The following TMC7 variants were observed in gnomAD, a reference collection of about 807,000 sequenced individuals.
TMC7 encodes transmembrane channel like 7, also known as transmembrane channel-like protein 7.
Under a neutral mutation model 82.9 loss-of-function variants are expected in TMC7, and 54 were observed. The observed-to-expected ratio is 0.65, with a 90% CI of 0.52 to 0.82. The LOEUF is 0.82. Among genes scored for constraint, TMC7 ranks in the 40% least tolerant of loss-of-function variants. The pLI, the probability that TMC7 is intolerant of heterozygous loss-of-function variation, is 0.00. For missense variants in TMC7, 820 were observed against 901.2 expected (o/e 0.91, Z 1.15); for synonymous variants, 350 against 337.9 (o/e 1.04, Z -0.39).
chr16:19,032,111 G>A (rs1596767796), intron 6 of TMC7, among the ~76,000 whole-genome samples: 1 of 152,206 alleles, frequency 6.6e-6, no homozygotes, highest in Non-Finnish European at 1.5e-5. Context: ...TATCATGGAT[G>A]GGCCTCTTTC....
chr16:19,031,261 C>T (rs61026206), intron 6 of TMC7, among the ~76,000 whole-genome samples: 2,122 of 152,226 alleles, frequency 0.014, 52 homozygotes, highest in African/African-American at 0.049. Context: ...GGTTCCCAGC[C>T]GTGACCCTTC....
rs772528907 is a variant in TMC7, at chr16:19,040,397, C to A, written c.1288C>A (p.Arg430Ser). The A allele has an allele frequency of 7.4e-6, 12 of 1,613,564 alleles. No individual in the cohort carries two copies. The highest frequency in any genetic ancestry group is 1.0e-5 in the Non-Finnish European group (12 of 1,179,950). The change falls in exon 9 of 16, where the codon CGC becomes AGC. Residue 430 changes from arginine to serine, a missense_variant. By Grantham distance (110) the Arg-to-Ser change is moderately radical. This residue lies in a region of TMC7 where 650 missense variants were observed against 669.9 expected (regional missense o/e 0.97). Transcript: ENST00000304381. ...CCCAATGATCTTTGCCAAGATCATC[C>A]GCTATGAGGATTATTCTCCAGGCTT... ...ITPMIFAKII[R>S]YEDYSPGFEI...
chr16:19,038,081 C>A, intron 8 of TMC7, 34 bp downstream of exon 8: 2 of 1,584,214 alleles, frequency 1.3e-6, no homozygotes, highest in Non-Finnish European at 1.7e-6. Flanking sequence ...GGACATTATG[C>A]CTAGTGCACT....
intron 1 of TMC7, among the ~76,000 whole-genome samples, chr16:18,988,617 G>C (rs571932796): frequency 2.0e-4 from 31 of 152,030 alleles, no homozygotes; most frequent in African/African-American, 5.5e-4. Context: ...TGTAGAGACA[G>C]AGTCTTGCTA....
intron 7 of TMC7, among the ~76,000 whole-genome samples, chr16:19,036,077 G>A (rs1476754283): frequency 6.6e-6 from 1 of 152,088 alleles, no homozygotes; most frequent in African/African-American, 2.4e-5. Flanking sequence ...CTGGAAGAAG[G>A]TGATGTCTTT....
chr16:18,997,512 G>T (rs1458655747), intron 1 of TMC7, among the ~76,000 whole-genome samples: 2 of 151,968 alleles, frequency 1.3e-5, no homozygotes, highest in African/African-American at 2.4e-5. Context: ...TGGGATTACA[G>T]GCGCCCACCA....
rs546248561 is a variant in TMC7 at position 19,022,699 on chromosome 16, T to TG, written c.629-413dup. On this transcript the variant is annotated intron_variant, in intron 4 of 15. Transcript: ENST00000304381. ...TGTATCCTCCTCGTTAAGCCATGCA[T>TG]GACTGTACATGCTTATACACACAAA... 2.2e-3 allele frequency among the ~76,000 whole-genome samples: 328 copies of TG among 152,354 alleles called. 1 individual carries two copies. The highest frequency in any genetic ancestry group is 3.6e-3 in the Non-Finnish European group (246 of 68,036).
rs552168789 is a variant in TMC7 at position 19,024,411 on chromosome 16, A to AC, written c.711+1220dup. The stretch of plus-strand genomic sequence containing the variant: ...ACTTCAGCCTGGGCAACAGAGCAAG[A>AC]CCCCATCTTAAAAAACAGATTTTGT... On this transcript the variant is annotated intron_variant, in intron 5 of 15. Coordinates refer to ENST00000304381, the MANE Select transcript of TMC7 (RefSeq NM_024847.4). 6.6e-4 allele frequency among the ~76,000 whole-genome samples: 101 copies of AC among 152,172 alleles called. 1 individual carries two copies. The South Asian group carries it at 0.021, about 31-fold the overall frequency.
At chr16:19,037,555 C>T (rs945425991) in intron 7 of TMC7, among the ~76,000 whole-genome samples, 6 of 150,778 alleles carry the variant, frequency 4.0e-5, no homozygotes, top group South Asian at 2.1e-4. Flanking sequence ...ACTGCAGACT[C>T]GAACTCCCGG....
In TMC7 at chr16:19,045,563, C is replaced by T. The variant is rs191398968; in HGVS notation, c.1553+125C>T. Reference sequence around the variant, plus strand: ...CAGAAGCTGCTGGATGACTCTACAGCCCTGGAAATCTGACAACTGGTAACT... The same window carrying T: ...CAGAAGCTGCTGGATGACTCTACAGTCCTGGAAATCTGACAACTGGTAACT... On this transcript the variant is annotated intron_variant, in intron 11 of 15. Coordinates refer to ENST00000304381, the MANE Select transcript of TMC7 (RefSeq NM_024847.4). 277 of 654,190 alleles carry T rather than the reference C, an allele frequency of 4.2e-4. 1 individual carries two copies. The highest frequency in any genetic ancestry group is 3.8e-3 in the South Asian group (195 of 51,738). The allele number at this position is 654,190 out of a possible 1,614,324, so 40.5% of individuals were successfully genotyped here. A position where few individuals can be genotyped will look rare whatever the true frequency, so the allele number is the denominator to read the frequency against.
intron 1 of TMC7, among the ~76,000 whole-genome samples, chr16:18,991,683 C>T (rs1458552886): frequency 6.6e-6 from 1 of 151,802 alleles, no homozygotes; most frequent in East Asian, 1.9e-4. Flanking sequence ...TATGCTGCAC[C>T]CATTAACTCA....
At chr16:19,030,203 A>G (rs1229355164) in intron 5 of TMC7, 21 bp from the exon 6 acceptor site, 4 of 1,605,540 alleles carry the variant, frequency 2.5e-6, no homozygotes, top group East Asian at 2.2e-5. Flanking sequence ...GTCTGACTTC[A>G]TGCTCTTGGC....
chr16:19,051,895 C>T lies in TMC7; in HGVS notation c.1871+79C>T. The stretch of plus-strand genomic sequence containing the variant: ...TTTTATGTAAAAGCGTCCGTCATAT[C>T]ACATTTTTTTTTTTTTTGAGATGGA... On this transcript the variant is annotated intron_variant, in intron 13 of 15. Transcript: ENST00000304381. The T allele has an allele frequency of 1.9e-6, 3 of 1,541,902 alleles. No homozygotes were observed. The Admixed American group carries it at 5.6e-5, about 29-fold the overall frequency.
At chr16:19,039,092 C>CTTTTTTTTTTTTTTTTTTT (rs376747652) in intron 8 of TMC7, among the ~76,000 whole-genome samples, 1 of 130,452 alleles carries the variant, frequency 7.7e-6, no homozygotes. Context: ...TTTCTTTTTT[C>CTTTTTTTTTTTTTTTTTTT]TTTTTTTTTT....
chr16:19,021,954 G>A (rs182179059), intron 4 of TMC7, among the ~76,000 whole-genome samples, 158 bp downstream of exon 4: 12 of 152,158 alleles, frequency 7.9e-5, no homozygotes, highest in African/African-American at 2.7e-4. Flanking sequence ...ACCCCATAAT[G>A]CTCATGCTGC....
Position 19,044,918 on chromosome 16 carries a change from C to T in TMC7, c.1372C>T (p.Leu458=), listed in dbSNP as rs1596785004. The T allele has an allele frequency of 6.2e-7, 1 of 1,613,990 alleles. No individual in the cohort carries two copies. Among genetic ancestry groups the T allele is most frequent in the Non-Finnish European group, 8.5e-7 (1 of 1,180,014 alleles). Residue 458 remains leucine, a synonymous_variant, in exon 10 of 16, where the codon CTG becomes TTG. Coordinates refer to ENST00000304381, the MANE Select transcript of TMC7 (RefSeq NM_024847.4). ...TATGCGGCTGGCCACCATATGTGTC[C>T]TGGTGTTCACGCTGGGCTCCAAGAT... ...VFMRLATICV[L]VFTLGSKITS...
At chr16:19,003,113 T>C (rs994471035) in intron 1 of TMC7, among the ~76,000 whole-genome samples, 1 of 152,128 alleles carries the variant, frequency 6.6e-6, no homozygotes, top group African/African-American at 2.4e-5. Context: ...GGAGGATCAC[T>C]TGAGCCCAGG....
intron 15 of TMC7, among the ~76,000 whole-genome samples, chr16:19,061,044 C>T (rs1296121470): frequency 6.6e-6 from 1 of 150,902 alleles, no homozygotes; most frequent in Non-Finnish European, 1.5e-5. Flanking sequence ...CACTCTGTCG[C>T]CCAGGCTGGA....
intron 1 of TMC7, among the ~76,000 whole-genome samples, chr16:18,989,801 G>A (rs2038916194): frequency 6.6e-6 from 1 of 151,992 alleles, no homozygotes; most frequent in East Asian, 1.9e-4. Flanking sequence ...TGGTCCAGAG[G>A]CCTCTCGGGG....
Sources: allele counts gnomAD v4.1 joint callset (sites outside exome capture counted in the v4.1 genomes callset), GRCh38; gene constraint gnomAD v4.1.1; regional missense constraint gnomAD v4.1.1; transcripts MANE v1.5; gene names NCBI Gene and HGNC (gene_info 2026-07-23, HGNC 2026-07-21).